AFG1L: variants seen among roughly 807,000 people sequenced by gnomAD.
AFG1L encodes the protein AFG1 like ATPase, also known as AFG1-like ATPase.
AFG1L carries 53 observed loss-of-function variants against 62.2 expected under a neutral mutation model. The observed-to-expected ratio is 0.85, with a 90% confidence interval of 0.68 to 1.07. AFG1L has a LOEUF of 1.07. AFG1L is among the 50% of genes least tolerant of loss of function. The pLI, the probability that AFG1L is intolerant of heterozygous loss-of-function variation, is 0.00. For synonymous variants in AFG1L, 228 were observed against 210.3 expected, an observed-to-expected ratio of 1.08 and a Z score of -0.73; for missense variants, 555 against 590.5, an observed-to-expected ratio of 0.94 and a Z score of 0.62.
intron 6 of AFG1L, among the ~76,000 whole-genome samples, chr6:108,401,389 G>T (rs1270743385): frequency 1.3e-5 from 2 of 151,518 alleles, no homozygotes; most frequent in Non-Finnish European, 2.9e-5. Context: ...TGATCCACCC[G>T]CCTCGGCCTC....
rs896453105 is a variant in AFG1L at position 108,522,648 on chromosome 6, A to G, written c.*223A>G. The G allele has an allele frequency of 1.2e-5, 4 of 336,876 alleles. No homozygotes were observed. In the South Asian group the frequency reaches 2.3e-4, roughly 19 times the overall value. 20.9% of individuals were successfully genotyped at this position (336,876 alleles called of 1,614,324 possible). ...TATTTGGCCTTATTTCTGCACCATG[A>G]AATTAAAATCATCTCATTCCTGAAG... On this transcript the variant is annotated 3_prime_UTR_variant, in exon 13 of 13. Transcript: ENST00000368977.
At chr6:108,470,437 A>G (rs1301357942) in intron 8 of AFG1L, among the ~76,000 whole-genome samples, 5 of 152,230 alleles carry the variant, frequency 3.3e-5, no homozygotes, top group African/African-American at 4.8e-5. Context: ...GAGGGCTTAT[A>G]TAGACCTAGT....
At chr6:108,391,972 C>T (rs1781076174) in intron 6 of AFG1L, 1 of 152,090 alleles carries the variant, frequency 6.6e-6, no homozygotes, top group Admixed American at 6.6e-5. Flanking sequence ...TACCATGCTG[C>T]TTACTTACCA....
intron 10 of AFG1L, among the ~76,000 whole-genome samples, chr6:108,509,582 A>G (rs1440400478): frequency 6.6e-6 from 1 of 152,216 alleles, no homozygotes; most frequent in East Asian, 1.9e-4. Context: ...AGAAATAAAA[A>G]TATGGACAGG....
chr6:108,442,004 T>C (rs1771574225), intron 7 of AFG1L, among the ~76,000 whole-genome samples: 1 of 151,994 alleles, frequency 6.6e-6, no homozygotes, highest in Non-Finnish European at 1.5e-5. Flanking sequence ...ATAAGATAAA[T>C]TGTAGTTTAA....
chr6:108,305,588 CTACTT>C (rs1049356157), intron 1 of AFG1L, among the ~76,000 whole-genome samples: 1 of 151,798 alleles, frequency 6.6e-6, no homozygotes, highest in Non-Finnish European at 1.5e-5. Flanking sequence ...ACCTCTAAGT[CTACTT>C]TATAATTTTT....
intron 8 of AFG1L, among the ~76,000 whole-genome samples, chr6:108,461,075 T>A (rs1234582566): frequency 6.6e-6 from 1 of 152,238 alleles, no homozygotes; most frequent in East Asian, 1.9e-4. Flanking sequence ...TTTTGAATAA[T>A]TTTTTTCATT....
intron 11 of AFG1L, among the ~76,000 whole-genome samples, chr6:108,511,748 A>G: frequency 6.6e-6 from 1 of 152,214 alleles, no homozygotes; most frequent in East Asian, 1.9e-4. Flanking sequence ...TGGGAAGAAG[A>G]TAAGCAACAG....
intron 10 of AFG1L, among the ~76,000 whole-genome samples, chr6:108,509,625 G>A (rs1582683205): frequency 6.6e-6 from 1 of 152,144 alleles, no homozygotes; most frequent in African/African-American, 2.4e-5. Flanking sequence ...GCTGTGGCTA[G>A]AGATATTCTT....
intron 8 of AFG1L, among the ~76,000 whole-genome samples, chr6:108,449,210 CAT>C (rs1344104124): frequency 2.7e-5 from 4 of 150,730 alleles, no homozygotes; most frequent in Admixed American, 2.6e-4. Flanking sequence ...TATATACACA[CAT>C]ATATATACAC....
intron 8 of AFG1L, among the ~76,000 whole-genome samples, chr6:108,460,110 C>T (rs1772395642): frequency 6.6e-6 from 1 of 152,128 alleles, no homozygotes; most frequent in South Asian, 2.1e-4. Flanking sequence ...GCAAATACTA[C>T]AGGATGTTTC....
intron 8 of AFG1L, among the ~76,000 whole-genome samples, chr6:108,452,088 A>G (rs990289293): frequency 4.6e-5 from 7 of 152,154 alleles, no homozygotes; most frequent in African/African-American, 1.2e-4. Flanking sequence ...AAACAGATCA[A>G]TCAAGCACTG....
chr6:108,439,724 T>C (rs1771459958), intron 7 of AFG1L, among the ~76,000 whole-genome samples: 1 of 152,174 alleles, frequency 6.6e-6, no homozygotes, highest in African/African-American at 2.4e-5. Flanking sequence ...ATAAAAAGCT[T>C]AAAATATGGA....
intron 1 of AFG1L, among the ~76,000 whole-genome samples, chr6:108,304,676 T>G (rs1338857078): frequency 6.6e-6 from 1 of 152,242 alleles, no homozygotes; most frequent in Non-Finnish European, 1.5e-5. Flanking sequence ...TCACAGCAGT[T>G]GGGTAAACAT....
At chr6:108,395,237 A>G (rs971436892) in intron 6 of AFG1L, among the ~76,000 whole-genome samples, 4 of 152,052 alleles carry the variant, frequency 2.6e-5, no homozygotes, top group Non-Finnish European at 5.9e-5. Context: ...TTTTATTTCC[A>G]TAAGTATATG....
At chr6:108,368,505 T>C (rs929978391) in intron 6 of AFG1L, among the ~76,000 whole-genome samples, 9 of 152,222 alleles carry the variant, frequency 5.9e-5, no homozygotes, top group African/African-American at 9.6e-5. Flanking sequence ...GATGTACTTA[T>C]TAAAATCCAT....
chr6:108,482,123 A>G (rs1437499780), intron 10 of AFG1L, among the ~76,000 whole-genome samples: 1 of 152,216 alleles, frequency 6.6e-6, no homozygotes, highest in Non-Finnish European at 1.5e-5. Flanking sequence ...CAATGTTTTG[A>G]TAATTGTTTA....
At chr6:108,411,050 G>T (rs990096171) in intron 7 of AFG1L, among the ~76,000 whole-genome samples, 1 of 152,096 alleles carries the variant, frequency 6.6e-6, no homozygotes, top group Non-Finnish European at 1.5e-5. Flanking sequence ...CTGGAAAATC[G>T]GGACACTCCC....
At chr6:108,508,354 C>T (rs574762836) in intron 10 of AFG1L, among the ~76,000 whole-genome samples, 68 of 152,346 alleles carry the variant, frequency 4.5e-4, no homozygotes, top group African/African-American at 1.6e-3. Flanking sequence ...CTGGAACCCT[C>T]CATGGCTGAG....
Sources: gnomAD v4.1 joint callset for allele counts (sites outside exome capture counted in the v4.1 genomes callset) on GRCh38, gnomAD v4.1.1 for gene constraint, MANE v1.5 for transcripts, NCBI Gene and HGNC (gene_info 2026-07-23, HGNC 2026-07-21) for gene names.